Variants in MECR observed in about 807,000 individuals in gnomAD.
MECR encodes enoyl-[acyl-carrier-protein] reductase, mitochondrial.
MECR carries 37 observed loss-of-function variants against 49.1 expected under a neutral mutation model. That is an observed-to-expected ratio of 0.75 (90% confidence interval 0.58 to 0.99). The LOEUF is 0.99. Among genes scored for constraint, MECR ranks in the 50% least tolerant of loss-of-function variants. The pLI is 0.00. For synonymous variants in MECR, 198 were observed against 191.1 expected, an observed-to-expected ratio of 1.04 and a Z score of -0.30; for missense variants, 470 against 479.6, an observed-to-expected ratio of 0.98 and a Z score of 0.19.
chr1:29,181,620 G>A, the MECR span: 4 of 1,562,604 alleles, frequency 2.6e-6, no homozygotes, highest in East Asian at 5.1e-5. Context: ...TCCCCGCCCG[G>A]CCGGACCCTC....
chr1:29,226,068 C>T (rs1681964274), intron 1 of MECR, among the ~76,000 whole-genome samples: 1 of 146,958 alleles, frequency 6.8e-6, no homozygotes, highest in South Asian at 2.2e-4. Context: ...ACTCAGGAGG[C>T]TGAGGCAGGA....
chr1:29,192,141 C>T (rs1354866023), downstream of MECR, among the ~76,000 whole-genome samples: 1 of 152,106 alleles, frequency 6.6e-6, no homozygotes, highest in Non-Finnish European at 1.5e-5. Flanking sequence ...TGCTCCACTG[C>T]CTAAAATCCC....
At chr1:29,206,541 G>A (rs1224435047) in intron 4 of MECR, among the ~76,000 whole-genome samples, 2 of 152,162 alleles carry the variant, frequency 1.3e-5, no homozygotes, top group East Asian at 3.9e-4. Flanking sequence ...ATGTGACCCT[G>A]CAGCAGTTTT....
At position 29,216,165 on chromosome 1, in the gene MECR, C is replaced by T. The variant is rs35345653; in HGVS notation, c.275-29G>A. ...AGGGAGAAGAGCATTAAAGGGTCAA[C>T]CAGTGATGTTTGGGCAGTGAAAGAG... is the stretch of plus-strand genomic sequence containing the variant. On this transcript the variant is annotated intron_variant, in intron 2 of 9. Transcript: ENST00000263702. 0.016 allele frequency: 25,591 copies of T among 1,611,376 alleles called. 267 individuals are homozygous for T. Among genetic ancestry groups the T allele is most frequent in the Middle Eastern group, 0.051 (306 of 6,022 alleles).
At chr1:29,178,101 T>C in the MECR span, among the ~76,000 whole-genome samples, 1 of 151,888 alleles carries the variant, frequency 6.6e-6, no homozygotes, top group Non-Finnish European at 1.5e-5. Context: ...GGTTTCACCA[T>C]GTTGGCCAGG....
At chr1:29,204,485 A>C (rs904376490) in intron 4 of MECR, among the ~76,000 whole-genome samples, 3 of 152,136 alleles carry the variant, frequency 2.0e-5, no homozygotes, top group African/African-American at 7.2e-5. Flanking sequence ...AATTGAGAAG[A>C]GAATAAAAAA....
At chr1:29,207,655 G>C (rs918596398) in intron 3 of MECR, among the ~76,000 whole-genome samples, 2 of 151,908 alleles carry the variant, frequency 1.3e-5, no homozygotes, top group African/African-American at 4.8e-5. Context: ...TGGGAAGATT[G>C]CTTGAGCCCA....
At chr1:29,204,892 T>C (rs922278833) in intron 4 of MECR, among the ~76,000 whole-genome samples, 1 of 152,250 alleles carries the variant, frequency 6.6e-6, no homozygotes, top group Non-Finnish European at 1.5e-5. Flanking sequence ...AAGAAACCTA[T>C]ATTTCTCTTG....
the MECR span, among the ~76,000 whole-genome samples, chr1:29,183,668 C>T: frequency 1.3e-4 from 20 of 152,214 alleles, no homozygotes; most frequent in African/African-American, 3.4e-4. Flanking sequence ...ATATCCTTTA[C>T]CCATTTTTCT....
rs181494571 is a variant in MECR at position 29,200,423 on chromosome 1, G to T, written c.830+93C>A. 140 of 1,224,500 alleles carry T rather than the reference G, an allele frequency of 1.1e-4. No homozygotes were observed. In the East Asian group the frequency reaches 3.3e-3, roughly 29 times the overall value. 75.9% of individuals were successfully genotyped at this position (1,224,500 alleles called of 1,614,324 possible). A position where few individuals can be genotyped will look rare whatever the true frequency, so the allele number is the denominator to read the frequency against. ...CATTGTGCTGACCTGGACTTGGCTCGAACTGGCGATGGGACTCAGTCACTT... is the reference window on the plus strand; with the variant it reads ...CATTGTGCTGACCTGGACTTGGCTCTAACTGGCGATGGGACTCAGTCACTT... On this transcript the variant is annotated intron_variant, in intron 7 of 9. Coordinates refer to ENST00000263702, the MANE Select transcript of MECR (RefSeq NM_016011.5).
intron 1 of MECR, chr1:29,223,149 C>T: frequency 1.0e-6 from 1 of 985,436 alleles, no homozygotes; most frequent in South Asian, 4.7e-5. Context: ...CCGTTCACGT[C>T]CTCCGTGAAT....
chr1:29,194,148 GCA>G lies in MECR; in HGVS notation c.994_995del (p.Cys332ArgfsTer50). The G allele has an allele frequency of 6.2e-7, 1 of 1,613,130 alleles. No individual in the cohort carries two copies. Among genetic ancestry groups the G allele is most frequent in the Non-Finnish European group, 8.5e-7 (1 of 1,179,538 alleles). On this transcript the variant is annotated frameshift_variant, in exon 10 of 10. Coordinates refer to ENST00000263702, the MANE Select transcript of MECR (RefSeq NM_016011.5). LOFTEE classifies it high-confidence loss of function. The stretch of plus-strand genomic sequence containing the variant: ...TGAGCTGGCCTCGGCGGATGAGATC[GCA>G]CAGTGTGAGGATCAGCTCCTTGAAC... ...DQFKELILTL[C>X]DLIRRGQLTA...
the MECR span, among the ~76,000 whole-genome samples, chr1:29,175,250 AAAAAATAC>A: frequency 6.6e-6 from 1 of 151,224 alleles, no homozygotes; most frequent in African/African-American, 2.4e-5. Context: ...CCGTTTCTAC[AAAAAATAC>A]AAAAATTAGC....
chr1:29,216,604 G>A lies in MECR; in HGVS notation c.258C>T (p.Asp86=). 6.2e-7 allele frequency: 1 copy of A among 1,614,146 alleles called. No individual in the cohort carries two copies. Among genetic ancestry groups the A allele is most frequent in the Non-Finnish European group, 8.5e-7 (1 of 1,180,018 alleles). The change falls in exon 2 of 10, where the codon GAC becomes GAT. Residue 86 remains aspartate, a synonymous_variant. Transcript: ENST00000263702. ...CAAGGTTACCTTGGATCATATTTAT[G>A]TCAGATGGATTGATAGGGGCCGCCA... ...KMLAAPINPS[D]INMIQGNYGF...
downstream of MECR, among the ~76,000 whole-genome samples, chr1:29,191,308 CT>C (rs1673124716): frequency 6.6e-6 from 1 of 151,900 alleles, no homozygotes; most frequent in South Asian, 2.1e-4. Flanking sequence ...TTGAAGAATC[CT>C]ATTTTTTTTT....
At chr1:29,168,015 T>TC in the MECR span, among the ~76,000 whole-genome samples, 1 of 131,158 alleles carries the variant, frequency 7.6e-6, no homozygotes, top group Non-Finnish European at 1.7e-5. Flanking sequence ...CTAATTCCTT[T>TC]TTTTTTTTTT....
intron 7 of MECR, 157 bp downstream of exon 7, chr1:29,200,359 C>T (rs1352797428): frequency 4.8e-6 from 3 of 627,394 alleles, no homozygotes; most frequent in South Asian, 5.8e-5. Flanking sequence ...AAACCAGTGC[C>T]CAAATAGCTG....
At chr1:29,188,764 C>T (rs954572269), downstream of MECR, among the ~76,000 whole-genome samples, 30 of 151,286 alleles carry the variant, frequency 2.0e-4, no homozygotes, top group African/African-American at 7.3e-4. Flanking sequence ...CTCAGCCTCC[C>T]GAGTAGCTGG....
intron 1 of MECR, chr1:29,224,574 G>C (rs1681584427): frequency 1.3e-5 from 2 of 152,242 alleles, no homozygotes; most frequent in African/African-American, 4.8e-5. Flanking sequence ...TCTTGTCTTG[G>C]CAGGAAGAGC....
Sources: gnomAD v4.1 joint callset for allele counts (sites outside exome capture counted in the v4.1 genomes callset) on GRCh38, gnomAD v4.1.1 for gene constraint, MANE v1.5 for transcripts, NCBI Gene and HGNC (gene_info 2026-07-23, HGNC 2026-07-21) for gene names.